The following KLHL4 variants were observed in gnomAD, a reference collection of about 807,000 sequenced individuals.
The protein encoded by KLHL4 is kelch-like protein 4.
A neutral mutation model predicts 45.8 loss-of-function variants in KLHL4; 17 were observed. That is an observed-to-expected ratio of 0.37 (90% CI 0.25 to 0.56). The LOEUF is 0.56. KLHL4 is among the 20% of genes least tolerant of loss of function. The pLI, the probability that KLHL4 is intolerant of heterozygous loss-of-function variation, is 0.79. For missense variants in KLHL4, 544 were observed against 544.9 expected, an observed-to-expected ratio of 1.00 and a Z score of 0.02; for synonymous variants, 224 against 189.9, an observed-to-expected ratio of 1.18 and a Z score of -1.47.
intron 1 of KLHL4, among the ~76,000 whole-genome samples, chrX:87,570,911 A>G (rs1441363508): frequency 9.0e-6 from 1 of 110,968 alleles, no homozygotes; most frequent in African/African-American, 3.3e-5. Flanking sequence ...TGGCATGTTG[A>G]TGATGAATGC....
rs898395763 is a variant in KLHL4 at position 87,669,232 on chromosome X, T to C, written c.*2698T>C. 7 of 1,125,790 alleles carry C rather than the reference T, an allele frequency of 6.2e-6. No homozygotes were observed. Among genetic ancestry groups the C allele is most frequent in the Middle Eastern group, 2.6e-4 (1 of 3,791 alleles). 92.8% of individuals were successfully genotyped at this position (1,125,790 alleles called of 1,213,427 possible). A position where few individuals can be genotyped will look rare whatever the true frequency, so the allele number is the denominator to read the frequency against. On this transcript the variant is annotated 3_prime_UTR_variant, in exon 11 of 11. Coordinates refer to ENST00000373119, the MANE Select transcript of KLHL4 (RefSeq NM_019117.5). The stretch of plus-strand genomic sequence containing the variant: ...GTTGCTTCTTGATTTTTTTCTATAA[T>C]CACTATGACCGTGTTCACGATTCCC...
chrX:87,642,214 G>A (rs1299284159), intron 9 of KLHL4, among the ~76,000 whole-genome samples: 1 of 111,080 alleles, frequency 9.0e-6, no homozygotes, highest in African/African-American at 3.3e-5. Flanking sequence ...CACATCCCAG[G>A]ACTCTGTGCA....
At chrX:87,627,069 A>C (rs1321739880) in intron 6 of KLHL4, among the ~76,000 whole-genome samples, 1 of 111,674 alleles carries the variant, frequency 9.0e-6, no homozygotes, top group Non-Finnish European at 1.9e-5. Flanking sequence ...CTTGTGTTGA[A>C]TTATTTATCG....
At chrX:87,597,785 G>A (rs922221511) in intron 1 of KLHL4, among the ~76,000 whole-genome samples, 6 of 111,127 alleles carry the variant, frequency 5.4e-5, no homozygotes, top group African/African-American at 2.0e-4. Context: ...TCATATATCA[G>A]GACAGTGCCT....
chrX:87,589,021 T>A, intron 1 of KLHL4, among the ~76,000 whole-genome samples: 1 of 111,661 alleles, frequency 9.0e-6, no homozygotes, highest in Non-Finnish European at 1.9e-5. Context: ...AAAAAACATT[T>A]GTTAAAAAAA....
intron 2 of KLHL4, among the ~76,000 whole-genome samples, 174 bp from the exon 3 acceptor site, chrX:87,614,260 A>G (rs1278689943): frequency 9.0e-6 from 1 of 111,725 alleles, no homozygotes; most frequent in African/African-American, 3.2e-5. Flanking sequence ...CACACCCTCT[A>G]AAAAAGATCA....
At chrX:87,569,386 A>T (rs1211183681) in intron 1 of KLHL4, among the ~76,000 whole-genome samples, 1 of 111,632 alleles carries the variant, frequency 9.0e-6, no homozygotes, top group Non-Finnish European at 1.9e-5. Flanking sequence ...TTAAATGGTG[A>T]ATCCACTGTA....
chrX:87,553,874 T>C (rs1372345193), intron 1 of KLHL4, among the ~76,000 whole-genome samples: 2 of 109,983 alleles, frequency 1.8e-5, no homozygotes, highest in East Asian at 5.7e-4. Context: ...AAGTCTTTAA[T>C]CCATCTTGAA....
chrX:87,628,306 A>G (rs1397935896), intron 6 of KLHL4, among the ~76,000 whole-genome samples: 1 of 105,576 alleles, frequency 9.5e-6, no homozygotes, highest in Non-Finnish European at 2.0e-5. Flanking sequence ...CTACACTGCC[A>G]CTATTACAGA....
Position 87,617,953 on chromosome X carries a change from A to T in KLHL4, c.749A>T (p.Asp250Val). 1 of 1,209,662 alleles carries T rather than the reference A, an allele frequency of 8.3e-7. No homozygotes were observed. The highest frequency in any genetic ancestry group is 3.0e-5 in the East Asian group (1 of 33,837). ...AYTGVLQLKE[D>V]TIESLLAAAC... ...CTAGGAGTCCTGCAATTGAAAGAAG[A>T]TACCATTGAAAGTTTGCTGGCTGCA... Residue 250 changes from aspartate to valine, a missense_variant, in exon 4 of 11, where the codon GAT becomes GTT. Asp to Val is a radical substitution (Grantham distance 152, BLOSUM62 -3). Transcript: ENST00000373119.
At chrX:87,573,417 G>A in intron 1 of KLHL4, among the ~76,000 whole-genome samples, 1 of 87,551 alleles carries the variant, frequency 1.1e-5, no homozygotes, top group South Asian at 6.4e-4. Context: ...TGAAGTGAGG[G>A]AAAATAGATA....
intron 9 of KLHL4, among the ~76,000 whole-genome samples, chrX:87,654,002 T>A (rs144366556): frequency 0.051 from 5,579 of 109,920 alleles, 374 homozygotes; most frequent in African/African-American, 0.17. Flanking sequence ...GTCGGGGAGA[T>A]CATAAGGAAG....
intron 9 of KLHL4, among the ~76,000 whole-genome samples, chrX:87,645,094 G>A (rs1457209285): frequency 1.8e-5 from 2 of 111,875 alleles, no homozygotes; most frequent in African/African-American, 6.5e-5. Context: ...AAAAGGAACA[G>A]TCAGCAGAGT....
In KLHL4 at chrX:87,607,385, C is replaced by T. The variant is rs770596439; in HGVS notation, c.423-6492C>T. ...CTCCTACCTTTTCAGTTCATTCCTT[C>T]AAAATTATTTTAGCCCTATTGGGTC... On this transcript the variant is annotated intron_variant, in intron 1 of 10. Transcript: ENST00000373119. Among the ~76,000 whole-genome samples, 3 of 111,310 alleles carry T rather than the reference C, an allele frequency of 2.7e-5. No individual in the cohort carries two copies. In the East Asian group the frequency reaches 8.5e-4, roughly 32 times the overall value.
chrX:87,614,838 G>C (rs1010968530), intron 3 of KLHL4, among the ~76,000 whole-genome samples: 1 of 110,833 alleles, frequency 9.0e-6, no homozygotes, highest in Non-Finnish European at 1.9e-5. Flanking sequence ...TTAACCATGA[G>C]AGCAGACAAC....
chrX:87,611,276 ATT>A (rs1368091444), intron 1 of KLHL4, among the ~76,000 whole-genome samples: 1 of 111,218 alleles, frequency 9.0e-6, no homozygotes, highest in African/African-American at 3.3e-5. Flanking sequence ...ACATTCATAT[ATT>A]TTTCAAGTGT....
chrX:87,541,753 A>G (rs1163642826), intron 1 of KLHL4, among the ~76,000 whole-genome samples: 1 of 111,483 alleles, frequency 9.0e-6, no homozygotes, highest in Non-Finnish European at 1.9e-5. Context: ...CATTGCTATA[A>G]AGATAACCTG....
rs1252000633 is a variant in KLHL4 at position 87,588,910 on chromosome X, A to G, written c.423-24967A>G. ...GTTAAAAAGCTGCATAGCAAAGGAC[A>G]CAACCCACAGAATGGGAGAGAATAT... On this transcript the variant is annotated intron_variant, in intron 1 of 10. Coordinates refer to ENST00000373119, the MANE Select transcript of KLHL4 (RefSeq NM_019117.5). Among the ~76,000 whole-genome samples the G allele has an allele frequency of 2.7e-5, 3 of 111,846 alleles. No individual in the cohort carries two copies. The East Asian group carries it at 8.5e-4, about 32-fold the overall frequency.
intron 1 of KLHL4, among the ~76,000 whole-genome samples, chrX:87,603,186 G>T (rs1356844320): frequency 9.0e-6 from 1 of 111,665 alleles, no homozygotes; most frequent in Non-Finnish European, 1.9e-5. Context: ...ATAAATCTTA[G>T]CATTTGCATG....
Sources: gnomAD v4.1 joint callset for allele counts (sites outside exome capture counted in the v4.1 genomes callset) on GRCh38, gnomAD v4.1.1 for gene constraint, MANE v1.5 for transcripts, NCBI Gene and HGNC (gene_info 2026-07-23, HGNC 2026-07-21) for gene names.